TMEM131L: variants seen among roughly 807,000 people sequenced by gnomAD.
TMEM131L encodes transmembrane 131 like, also known as transmembrane protein 131-like.
A neutral mutation model predicts 192.2 loss-of-function variants in TMEM131L; 54 were observed. The observed-to-expected ratio is 0.28, with a 90% confidence interval of 0.23 to 0.35. TMEM131L has a LOEUF of 0.35. Among genes scored for constraint, TMEM131L ranks in the 10% least tolerant of loss-of-function variants. TMEM131L has a pLI of 1.00. For missense variants in TMEM131L, 1,888 were observed against 1,972.9 expected (o/e 0.96, Z 0.82); for synonymous variants, 701 against 704.9 (o/e 0.99, Z 0.09).
At chr4:153,548,747 T>C (rs570398227) in intron 3 of TMEM131L, among the ~76,000 whole-genome samples, 178 of 152,224 alleles carry the variant, frequency 1.2e-3, no homozygotes, top group African/African-American at 4.0e-3. Context: ...ACTAGATTCT[T>C]CCTGTGAGAC....
intron 3 of TMEM131L, among the ~76,000 whole-genome samples, chr4:153,499,243 C>T (rs1384383940): frequency 5.3e-5 from 8 of 152,162 alleles, no homozygotes; most frequent in African/African-American, 1.9e-4. Flanking sequence ...GTTAGTGGTG[C>T]CCAGCCTCCA....
At chr4:153,607,546 C>T (rs1430944173) in intron 25 of TMEM131L, among the ~76,000 whole-genome samples, 1 of 152,172 alleles carries the variant, frequency 6.6e-6, no homozygotes, top group Non-Finnish European at 1.5e-5. Flanking sequence ...TTAGCCATTT[C>T]TCCCAAAGTA....
At chr4:153,500,025 G>A (rs565717790) in intron 3 of TMEM131L, among the ~76,000 whole-genome samples, 1 of 150,560 alleles carries the variant, frequency 6.6e-6, no homozygotes, top group East Asian at 2.0e-4. Context: ...AACTTGGTCA[G>A]AACCAACCTT....
intron 31 of TMEM131L, among the ~76,000 whole-genome samples, chr4:153,628,648 T>TA (rs78914206): frequency 0.24 from 36,114 of 151,682 alleles, 6,507 homozygotes; most frequent in African/African-American, 0.51. Flanking sequence ...TGTTTTCAAT[T>TA]AAAAAAATCT....
At chr4:153,528,415 T>C (rs141981274) in intron 3 of TMEM131L, among the ~76,000 whole-genome samples, 21 of 152,312 alleles carry the variant, frequency 1.4e-4, no homozygotes, top group African/African-American at 5.1e-4. Context: ...AGTTTTAATA[T>C]AGAGTGTGAA....
Position 153,592,553 on chromosome 4 carries a change from C to T in TMEM131L, c.1891C>T (p.Pro631Ser). The change falls in exon 18 of 35, where the codon CCC becomes TCC. Residue 631 changes from proline (P) to serine (S), a missense_variant. Transcript: ENST00000409959. ...QLLPLSLYPK[P>S]EALVHLLHRW... ...CCTGCCTCTCTCCTTGTACCCTAAA[C>T]CCGAAGCCCTAGTGCACCTGCTCCA... is the stretch of plus-strand genomic sequence containing the variant. 6.2e-7 allele frequency: 1 copy of T among 1,614,082 alleles called. No homozygotes were observed.
chr4:153,554,337 A>C (rs1387950154), intron 4 of TMEM131L: 3 of 152,218 alleles, frequency 2.0e-5, no homozygotes, highest in African/African-American at 7.2e-5. Flanking sequence ...TTTTAATCAC[A>C]TTGATGTTGG....
At chr4:153,531,778 G>C (rs1735919450) in intron 3 of TMEM131L, among the ~76,000 whole-genome samples, 1 of 152,194 alleles carries the variant, frequency 6.6e-6, no homozygotes, top group Non-Finnish European at 1.5e-5. Context: ...TGGAGAACTG[G>C]CGAATTTAGG....
rs141505941 is a variant in TMEM131L, at chr4:153,623,116, G to T, written c.4045+33G>T. The T allele has an allele frequency of 5.7e-4, 872 of 1,527,402 alleles. 5 individuals carry two copies. The African/African-American group carries it at 0.011, about 20-fold the overall frequency. 94.6% of individuals were successfully genotyped at this position (1,527,402 alleles called of 1,614,324 possible). A position where few individuals can be genotyped will look rare whatever the true frequency, so the allele number is the denominator to read the frequency against. ...CTGAGCAGAGCCCCAGGCACTCTCG[G>T]TGGCCCTTCCCTCTGCCCTCCCACG... On this transcript the variant is annotated intron_variant, in intron 29 of 34. Coordinates refer to ENST00000409959, the MANE Select transcript of TMEM131L (RefSeq NM_001131007.2).
rs552522078 is a variant in TMEM131L, at chr4:153,547,562, A to G, written c.240-2511A>G. ...GCACATCATTTTATCTCATCCTATT[A>G]TTTCATTTTATTCTCATGATAACTA... On this transcript the variant is annotated intron_variant, in intron 3 of 34. Coordinates refer to ENST00000409959, the MANE Select transcript of TMEM131L (RefSeq NM_001131007.2). 5.3e-5 allele frequency among the ~76,000 whole-genome samples: 8 copies of G among 152,266 alleles called. No homozygotes were observed. In the East Asian group the frequency reaches 1.2e-3, roughly 22 times the overall value.
At chr4:153,487,149 GCC>G (rs1732397842) in intron 3 of TMEM131L, among the ~76,000 whole-genome samples, 1 of 152,132 alleles carries the variant, frequency 6.6e-6, no homozygotes, top group Admixed American at 6.5e-5. Flanking sequence ...AAAACCATTG[GCC>G]CAGGGTGAGG....
chr4:153,551,381 G>A (rs946102812), intron 4 of TMEM131L, among the ~76,000 whole-genome samples: 19 of 149,388 alleles, frequency 1.3e-4, no homozygotes, highest in Admixed American at 2.7e-4. Context: ...TTTTTGAGAC[G>A]GAGTCTTGCA....
rs181238861 is a variant in TMEM131L at position 153,504,581 on chromosome 4, T to G, written c.239+30693T>G. 3.3e-3 allele frequency among the ~76,000 whole-genome samples: 501 copies of G among 152,164 alleles called. 2 individuals carry two copies. The highest frequency in any genetic ancestry group is 0.012 in the African/African-American group (483 of 41,518). ...GGGATTACAGGCGTGAGCCACCGTGTCTGGCCACTTGTTCTTTATGCTAAG... is the reference window on the plus strand; with the variant it reads ...GGGATTACAGGCGTGAGCCACCGTGGCTGGCCACTTGTTCTTTATGCTAAG... On this transcript the variant is annotated intron_variant, in intron 3 of 34. Coordinates refer to ENST00000409959, the MANE Select transcript of TMEM131L (RefSeq NM_001131007.2).
At chr4:153,562,876 C>G (rs1728934829) in intron 7 of TMEM131L, among the ~76,000 whole-genome samples, 1 of 152,114 alleles carries the variant, frequency 6.6e-6, no homozygotes, top group Admixed American at 6.5e-5. Context: ...TCAGTTGAAT[C>G]ATTATGAAAA....
chr4:153,523,472 T>A (rs1735257846), intron 3 of TMEM131L, among the ~76,000 whole-genome samples: 1 of 152,216 alleles, frequency 6.6e-6, no homozygotes, highest in African/African-American at 2.4e-5. Context: ...GAAATAGCAC[T>A]ACATTGTTTA....
intron 3 of TMEM131L, among the ~76,000 whole-genome samples, chr4:153,517,626 T>G (rs955067871): frequency 6.6e-6 from 1 of 152,218 alleles, no homozygotes; most frequent in Non-Finnish European, 1.5e-5. Flanking sequence ...GCTCTTAATG[T>G]TTAGGTCAGG....
Position 153,598,606 on chromosome 4 carries a change from A to G in TMEM131L, c.2140A>G (p.Ile714Val). The G allele has an allele frequency of 6.2e-7, 1 of 1,613,792 alleles. No homozygotes were observed. The change falls in exon 21 of 35, where the codon ATT (isoleucine) becomes GTT (valine). Residue 714 changes from isoleucine to valine, a missense_variant. Coordinates refer to ENST00000409959, the MANE Select transcript of TMEM131L (RefSeq NM_001131007.2). ...TCACTACAGGAATAACTTGACTGTT[A>G]TTGACATGATTGGCGTGGAAGGATT... ...LILIRNNLTV[I>V]DMIGVEGFGA... is the part of the protein sequence containing the mutation.
chr4:153,537,196 C>T (rs1736399680), intron 3 of TMEM131L, among the ~76,000 whole-genome samples: 1 of 152,188 alleles, frequency 6.6e-6, no homozygotes, highest in Non-Finnish European at 1.5e-5. Flanking sequence ...AACTGAACTT[C>T]TGATCACAAG....
chr4:153,512,518 C>T (rs943787581), intron 3 of TMEM131L, among the ~76,000 whole-genome samples: 1 of 152,168 alleles, frequency 6.6e-6, no homozygotes, highest in African/African-American at 2.4e-5. Context: ...TTTAATATGA[C>T]ATCCAAAATA....
Sources: gnomAD v4.1 joint callset for allele counts (sites outside exome capture counted in the v4.1 genomes callset) on GRCh38, gnomAD v4.1.1 for gene constraint, MANE v1.5 for transcripts, NCBI Gene and HGNC (gene_info 2026-07-23, HGNC 2026-07-21) for gene names.